SMAD9: variants seen among roughly 807,000 people sequenced by gnomAD.
The protein encoded by SMAD9 is MAD homolog 9.
Under a neutral mutation model 46.1 loss-of-function variants are expected in SMAD9, and 36 were observed. That is an observed-to-expected ratio of 0.78 (90% CI 0.60 to 1.03). The LOEUF (loss-of-function observed/expected upper bound fraction) is 1.03, where lower values mean the gene tolerates loss of function less well. Among genes scored for constraint, SMAD9 ranks in the 50% least tolerant of loss-of-function variants. The pLI is 0.00. For missense variants in SMAD9, 572 were observed against 599.8 expected, an observed-to-expected ratio of 0.95 and a Z score of 0.48; for synonymous variants, 245 against 237.1, an observed-to-expected ratio of 1.03 and a Z score of -0.31.
intron 5 of SMAD9, among the ~76,000 whole-genome samples, chr13:36,860,779 A>C (rs6563503): frequency 0.031 from 4,746 of 152,056 alleles, 289 homozygotes; most frequent in African/African-American, 0.11. Flanking sequence ...GATATTAGGT[A>C]ATCAGTGGGG....
chr13:36,879,766 CA>C lies in SMAD9; in HGVS notation c.-78del. On this transcript the variant is annotated 5_prime_UTR_variant, in exon 2 of 7. An upstream open reading frame in the 5' UTR loses its in-frame stop. Transcript: ENST00000379826. ...GCAAAGTGGGCGGCGAGTAGCTCTC[CA>C]GGGGTGGCATAGGGACCAACCCGCC... 1 of 1,554,804 alleles carries C rather than the reference CA, an allele frequency of 6.4e-7. No individual in the cohort carries two copies.
intron 6 of SMAD9, 61 bp downstream of exon 6, chr13:36,853,358 G>A: frequency 6.5e-7 from 1 of 1,546,608 alleles, no homozygotes; most frequent in Admixed American, 1.7e-5. Context: ...CATCAGTCAG[G>A]GTGCTTTTTT....
intron 1 of SMAD9, among the ~76,000 whole-genome samples, chr13:36,895,823 T>G (rs1261545495): frequency 2.6e-5 from 4 of 152,172 alleles, no homozygotes; most frequent in Non-Finnish European, 5.9e-5. Flanking sequence ...TTAGAAGGAT[T>G]TGCATCATAG....
At chr13:36,866,343 A>T (rs2058234097) in intron 4 of SMAD9, among the ~76,000 whole-genome samples, 1 of 146,204 alleles carries the variant, frequency 6.8e-6, no homozygotes, top group Non-Finnish European at 1.5e-5. Flanking sequence ...CTAGTTATGC[A>T]TGGAAAAAAA....
intron 5 of SMAD9, among the ~76,000 whole-genome samples, chr13:36,863,092 G>T (rs1228517340): frequency 6.6e-6 from 1 of 152,156 alleles, no homozygotes; most frequent in East Asian, 1.9e-4. Context: ...TAACTCATTT[G>T]CTAGCCGAGG....
intron 1 of SMAD9, among the ~76,000 whole-genome samples, chr13:36,903,119 T>A (rs866074444): frequency 4.2e-5 from 6 of 142,136 alleles, no homozygotes; most frequent in Non-Finnish European, 7.7e-5. Context: ...TCTTTTTTTT[T>A]CTTTTGGTTT....
At position 36,890,161 on chromosome 13, in the gene SMAD9, A is replaced by G. The variant is rs138278273; in HGVS notation, c.-186-10286T>C. On this transcript the variant is annotated intron_variant, in intron 1 of 6. Coordinates refer to ENST00000379826, the MANE Select transcript of SMAD9 (RefSeq NM_001127217.3). ...TTTTTTCTTTCTTTTTTGTTTTCTAAAGGCATATTCAATTTTTTGGTCAGA... is the reference window on the plus strand; with the variant it reads ...TTTTTTCTTTCTTTTTTGTTTTCTAGAGGCATATTCAATTTTTTGGTCAGA... Among the ~76,000 whole-genome samples, 632 of 152,236 alleles carry G rather than the reference A, an allele frequency of 4.2e-3. 12 individuals carry two copies. Among genetic ancestry groups the G allele is most frequent in the African/African-American group, 0.014 (597 of 41,548 alleles).
chr13:36,869,932 G>GT (rs972149152), intron 3 of SMAD9, among the ~76,000 whole-genome samples: 72 of 152,236 alleles, frequency 4.7e-4, no homozygotes, highest in African/African-American at 1.6e-3. Flanking sequence ...TTTGAAATGG[G>GT]TGGTTGTATG....
chr13:36,875,162 A>C lies in SMAD9; in HGVS notation c.413-2247T>G, dbSNP rs142907052. Among the ~76,000 whole-genome samples the C allele has an allele frequency of 1.2e-3, 184 of 152,204 alleles. 5 individuals are homozygous for C. The highest frequency in any genetic ancestry group is 4.1e-3 in the African/African-American group (171 of 41,540). On this transcript the variant is annotated intron_variant, in intron 2 of 6. Transcript: ENST00000379826. Reference sequence around the variant, plus strand: ...GATTTGTCAACCACAGGCAAGTATTAATAAAAACTCATAAAAAGTAAATGT... The same window carrying C: ...GATTTGTCAACCACAGGCAAGTATTCATAAAAACTCATAAAAAGTAAATGT...
intron 1 of SMAD9, among the ~76,000 whole-genome samples, chr13:36,890,892 G>A (rs369096804): frequency 2.0e-5 from 3 of 151,924 alleles, no homozygotes; most frequent in Admixed American, 1.3e-4. Context: ...TGGTGGCAGA[G>A]CAGGAACAGT....
chr13:36,916,831 C>T (rs760937566), intron 1 of SMAD9, among the ~76,000 whole-genome samples: 1 of 151,226 alleles, frequency 6.6e-6, no homozygotes, highest in Non-Finnish European at 1.5e-5. Context: ...CTGAACAGGG[C>T]ATACAAGATG....
chr13:36,845,764 A>T lies in SMAD9; in HGVS notation c.*2912T>A, dbSNP rs2138237728. On this transcript the variant is annotated 3_prime_UTR_variant, in exon 7 of 7. Transcript: ENST00000379826. ...GCTGATTAAAATATGATTGTGTTAC[A>T]ATGACTAAAGGGTTAACTTCTCATT... The T allele has an allele frequency of 1.3e-5, 2 of 152,328 alleles. No homozygotes were observed. The highest frequency in any genetic ancestry group is 4.1e-4 in the South Asian group (2 of 4,828). The allele number at this position is 152,328 out of a possible 1,614,324, so 9.4% of individuals were successfully genotyped here.
intron 3 of SMAD9, among the ~76,000 whole-genome samples, chr13:36,867,656 T>C (rs1200911982): frequency 6.6e-6 from 1 of 152,182 alleles, no homozygotes; most frequent in Non-Finnish European, 1.5e-5. Context: ...AGGGCAAGAC[T>C]TTCAAATGCA....
intron 1 of SMAD9, among the ~76,000 whole-genome samples, chr13:36,910,249 T>C (rs957425220): frequency 6.6e-6 from 1 of 151,374 alleles, no homozygotes; most frequent in Admixed American, 6.6e-5. Context: ...TTAACCACCA[T>C]TGACTCCAGG....
chr13:36,899,989 T>G (rs2058560599), intron 1 of SMAD9, among the ~76,000 whole-genome samples: 1 of 152,150 alleles, frequency 6.6e-6, no homozygotes, highest in African/African-American at 2.4e-5. Flanking sequence ...TACAATGGCC[T>G]GCAAGGTCCT....
chr13:36,912,963 G>A (rs1053245153), intron 1 of SMAD9, among the ~76,000 whole-genome samples: 8 of 152,088 alleles, frequency 5.3e-5, no homozygotes, highest in African/African-American at 1.9e-4. Flanking sequence ...CAAGTCCCTC[G>A]TATAAAATGG....
chr13:36,882,422 A>G (rs1174271103), intron 1 of SMAD9, among the ~76,000 whole-genome samples: 1 of 152,214 alleles, frequency 6.6e-6, no homozygotes, highest in Non-Finnish European at 1.5e-5. Flanking sequence ...TGGCCACCAC[A>G]CTTTCTCATC....
intron 5 of SMAD9, among the ~76,000 whole-genome samples, chr13:36,858,202 G>A (rs915519935): frequency 6.6e-6 from 1 of 151,864 alleles, no homozygotes; most frequent in African/African-American, 2.4e-5. Context: ...GTTTTAATGG[G>A]TGGTAAAAAA....
chr13:36,911,731 A>C (rs2058663637), intron 1 of SMAD9, among the ~76,000 whole-genome samples: 1 of 145,322 alleles, frequency 6.9e-6, no homozygotes, highest in South Asian at 2.2e-4. Flanking sequence ...TTTTTGAGAC[A>C]GAGTTTTGCT....
Sources: gnomAD v4.1 joint callset for allele counts (sites outside exome capture counted in the v4.1 genomes callset) on GRCh38, gnomAD v4.1.1 for gene constraint, MANE v1.5 for transcripts, NCBI Gene and HGNC (gene_info 2026-07-23, HGNC 2026-07-21) for gene names.